Variants in SIPA1L2 observed in about 807,000 individuals in gnomAD.
SIPA1L2 encodes the protein signal-induced proliferation-associated 1-like protein 2.
A neutral mutation model predicts 163.9 loss-of-function variants in SIPA1L2; 56 were observed. The observed-to-expected ratio is 0.34, with a 90% confidence interval of 0.28 to 0.43. The LOEUF is 0.43. Among genes scored for constraint, SIPA1L2 ranks in the 20% least tolerant of loss-of-function variants. The pLI, the probability that SIPA1L2 is intolerant of heterozygous loss-of-function variation, is 1.00. For missense variants in SIPA1L2, 1,974 were observed against 2,193.5 expected (o/e 0.90, Z 2.00); for synonymous variants, 877 against 865.7 (o/e 1.01, Z -0.23).
At chr1:232,428,647 C>A in intron 16 of SIPA1L2, 83 bp from the exon 17 acceptor site, 1 of 1,096,454 alleles carries the variant, frequency 9.1e-7, no homozygotes, top group Non-Finnish European at 1.2e-6. Flanking sequence ...GAAGCAGTTT[C>A]AACAGCCACA....
intron 11 of SIPA1L2, among the ~76,000 whole-genome samples, chr1:232,444,730 G>T (rs868168936): frequency 4.1e-4 from 62 of 152,166 alleles, no homozygotes; most frequent in African/African-American, 2.4e-4. Context: ...GAAGAAACTG[G>T]AGGTTCAGAG....
At chr1:232,450,300 A>G (rs1450517803) in intron 10 of SIPA1L2, among the ~76,000 whole-genome samples, 1 of 152,238 alleles carries the variant, frequency 6.6e-6, no homozygotes, top group African/African-American at 2.4e-5. Flanking sequence ...CCAAGGCTCT[A>G]TAAGTTTTGT....
chr1:232,562,272 A>C (rs749404612), intron 2 of SIPA1L2, among the ~76,000 whole-genome samples: 1 of 152,220 alleles, frequency 6.6e-6, no homozygotes, highest in Non-Finnish European at 1.5e-5. Flanking sequence ...AAAGGAGTTA[A>C]ATACATTCAG....
intron 7 of SIPA1L2, among the ~76,000 whole-genome samples, chr1:232,475,402 C>A (rs1664996610): frequency 6.6e-6 from 1 of 152,202 alleles, no homozygotes; most frequent in South Asian, 2.1e-4. Context: ...TATGCATGTA[C>A]ATAAACACAC....
At chr1:232,428,994 C>T (rs2102822811) in intron 16 of SIPA1L2, among the ~76,000 whole-genome samples, 1 of 152,312 alleles carries the variant, frequency 6.6e-6, no homozygotes, top group East Asian at 1.9e-4. Flanking sequence ...GAGGAAGCCA[C>T]CCGAGGGAGC....
At chr1:232,467,388 A>G (rs992719069) in intron 8 of SIPA1L2, among the ~76,000 whole-genome samples, 1 of 152,194 alleles carries the variant, frequency 6.6e-6, no homozygotes, top group African/African-American at 2.4e-5. Flanking sequence ...TGACACTGCC[A>G]GGGATCTACA....
chr1:232,440,849 G>C (rs577959170), intron 14 of SIPA1L2, among the ~76,000 whole-genome samples: 1 of 152,264 alleles, frequency 6.6e-6, no homozygotes, highest in East Asian at 1.9e-4. Flanking sequence ...CCACGTGGGC[G>C]GTGCTCTACC....
intron 2 of SIPA1L2, among the ~76,000 whole-genome samples, chr1:232,535,720 C>T (rs1310694208): frequency 6.6e-6 from 1 of 152,150 alleles, no homozygotes; most frequent in Non-Finnish European, 1.5e-5. Context: ...ATCAAATGCA[C>T]CGTGCCTCAC....
intron 2 of SIPA1L2, among the ~76,000 whole-genome samples, chr1:232,563,996 T>TGA (rs1553313969): frequency 7.4e-5 from 8 of 108,572 alleles, no homozygotes; most frequent in African/African-American, 1.3e-4. Flanking sequence ...TGTGTGTGTG[T>TGA]GATGGAGTTT....
chr1:232,515,483 A>C lies in SIPA1L2; in HGVS notation c.-144T>G. 1 of 803,778 alleles carries C rather than the reference A, an allele frequency of 1.2e-6. No individual in the cohort carries two copies. The highest frequency in any genetic ancestry group is 2.2e-5 in the South Asian group (1 of 45,986). 49.8% of individuals were successfully genotyped at this position (803,778 alleles called of 1,614,324 possible). ...TTCTTTTCTTAGCCCAAAGCAAACA[A>C]CATCCTCAGAATACAGTTTCTTCAA... On this transcript the variant is annotated 5_prime_UTR_variant, in exon 3 of 23. Transcript: ENST00000674635.
At chr1:232,468,930 GT>G (rs1434272411) in intron 8 of SIPA1L2, among the ~76,000 whole-genome samples, 1 of 152,204 alleles carries the variant, frequency 6.6e-6, no homozygotes, top group Non-Finnish European at 1.5e-5. Context: ...AAAGTGAGAT[GT>G]TTCGTGGGGC....
chr1:232,462,656 C>T (rs1664301188), intron 9 of SIPA1L2, among the ~76,000 whole-genome samples: 1 of 152,222 alleles, frequency 6.6e-6, no homozygotes, highest in African/African-American at 2.4e-5. Context: ...GTAATAGGCA[C>T]AACACAAATA....
intron 6 of SIPA1L2, among the ~76,000 whole-genome samples, chr1:232,480,152 T>TGC (rs1451308703): frequency 5.7e-5 from 7 of 123,340 alleles, no homozygotes; most frequent in African/African-American, 2.4e-4. Flanking sequence ...TGTGTGTGTG[T>TGC]GCGTGTGTGT....
chr1:232,547,606 G>A (rs1482679949), intron 2 of SIPA1L2, among the ~76,000 whole-genome samples: 3 of 150,472 alleles, frequency 2.0e-5, no homozygotes, highest in Non-Finnish European at 4.4e-5. Flanking sequence ...GCAGGGTGGG[G>A]CAGATAAGAG....
chr1:232,471,588 T>C (rs1202245458), intron 7 of SIPA1L2, 60 bp from the exon 8 acceptor site: 3 of 1,332,750 alleles, frequency 2.3e-6, no homozygotes, highest in Admixed American at 2.5e-5. Context: ...AATATATATA[T>C]AATTCACTCA....
rs756431035 is a variant in SIPA1L2 at position 232,513,894 on chromosome 1, A to G, written c.1446T>C (p.Leu482=). 6.2e-7 allele frequency: 1 copy of G among 1,602,252 alleles called. No individual in the cohort carries two copies. Among genetic ancestry groups the G allele is most frequent in the Non-Finnish European group, 8.5e-7 (1 of 1,175,936 alleles). ...AGAATTTGCGGTAATAATAGGCCCCAAGGTCAATGTGTTCTATGATGTAGC... is the reference window on the plus strand; with the variant it reads ...AGAATTTGCGGTAATAATAGGCCCCGAGGTCAATGTGTTCTATGATGTAGC... ...VKRYIIEHID[L]GAYYYRKFFY... Residue 482 remains leucine, a synonymous_variant, in exon 3 of 23, where the codon CTT becomes CTC. Transcript: ENST00000674635.
Position 232,436,749 on chromosome 1 carries a change from A to G in SIPA1L2, c.4031+2359T>C, listed in dbSNP as rs12035516. ...ACTCAACACACAGAAAACAAGGCAA[A>G]TGCTGTAAATCCCATCCCTCCTCCT... On this transcript the variant is annotated intron_variant, in intron 15 of 22. Coordinates refer to ENST00000674635, the MANE Select transcript of SIPA1L2 (RefSeq NM_020808.5). Among the ~76,000 whole-genome samples the G allele has an allele frequency of 0.038, 5,848 of 152,290 alleles. 572 individuals carry two copies. In the East Asian group the frequency reaches 0.4, roughly 10 times the overall value.
rs780249220 is a variant in SIPA1L2, at chr1:232,514,605, A to G, written c.735T>C (p.His245=). The G allele has an allele frequency of 2.5e-6, 4 of 1,614,128 alleles. No homozygotes were observed. Among genetic ancestry groups the G allele is most frequent in the African/African-American group, 2.7e-5 (2 of 74,940 alleles). Residue 245 remains histidine (H), a synonymous_variant, in exon 3 of 23, where the codon CAT becomes CAC. Transcript: ENST00000674635. ...RCDPAISPSL[H]AAAQISRGEF... ...CTCCCCTAGAAATCTGTGCTGCTGC[A>G]TGAAGGCTCGGAGAGATTGCAGGGT...
intron 2 of SIPA1L2, among the ~76,000 whole-genome samples, chr1:232,562,650 C>T (rs143532898): frequency 7.4e-4 from 112 of 152,268 alleles, no homozygotes; most frequent in African/African-American, 2.6e-3. Flanking sequence ...GATTCGAAGC[C>T]AACAAGATCT....
Sources: allele counts gnomAD v4.1 joint callset (sites outside exome capture counted in the v4.1 genomes callset), GRCh38; gene constraint gnomAD v4.1.1; transcripts MANE v1.5; gene names NCBI Gene and HGNC (gene_info 2026-07-23, HGNC 2026-07-21).